The following ZNF143 variants were observed in gnomAD, a reference collection of about 807,000 sequenced individuals.
ZNF143 encodes the protein zinc finger protein 143.
A neutral mutation model predicts 74.1 loss-of-function variants in ZNF143; 49 were observed. The ratio of observed to expected loss-of-function variants is 0.66; its 90% CI spans 0.53 to 0.84. The LOEUF is 0.84. Ranked by LOEUF, ZNF143 falls within the 40% of genes least tolerant of loss-of-function variation. The pLI is 0.00. For synonymous variants in ZNF143, 304 were observed against 282.8 expected, an observed-to-expected ratio of 1.07 and a Z score of -0.75; for missense variants, 637 against 793.4, an observed-to-expected ratio of 0.80 and a Z score of 2.37.
Position 9,516,276 on chromosome 11 carries a change from A to G in ZNF143, c.1600A>G (p.Thr534Ala), listed in dbSNP as rs373010722. 2.2e-5 allele frequency: 35 copies of G among 1,614,034 alleles called. No individual in the cohort carries two copies. Among genetic ancestry groups the G allele is most frequent in the Non-Finnish European group, 2.9e-5 (34 of 1,180,010 alleles). Residue 534 changes from threonine (T) to alanine (A), a missense_variant, in exon 14 of 16, where the codon ACA (threonine) becomes GCA (alanine). Coordinates refer to ENST00000396602, the MANE Select transcript of ZNF143 (RefSeq NM_003442.6). The part of the protein sequence containing the change: ...TMVTQDGTPI[T>A]VPAHDAVISS... ...GGTAACGCAGGATGGCACGCCCATC[A>G]CAGTCCCCGCCCATGATGCAGTCAT... is the stretch of plus-strand genomic sequence containing the variant.
chr11:9,485,698 T>C lies in ZNF143; in HGVS notation c.645+6152T>C, dbSNP rs80295923. Among the ~76,000 whole-genome samples, 192 of 151,646 alleles carry C rather than the reference T, an allele frequency of 1.3e-3. 1 individual carries two copies. The highest frequency in any genetic ancestry group is 3.1e-3 in the Admixed American group (48 of 15,248). On this transcript the variant is annotated intron_variant, in intron 7 of 15. Transcript: ENST00000396602. ...GATGTGTCTCATGGTTCTTTAAAAA[T>C]TCCTCTGGTGCCACACTTCTAGGAT...
intron 7 of ZNF143, among the ~76,000 whole-genome samples, chr11:9,485,714 C>G (rs1302972220): frequency 6.6e-6 from 1 of 151,468 alleles, no homozygotes; most frequent in Non-Finnish European, 1.5e-5. Context: ...TGGTGCCACA[C>G]TTCTAGGATT....
intron 11 of ZNF143, among the ~76,000 whole-genome samples, chr11:9,502,914 T>C (rs1848219675): frequency 6.6e-6 from 1 of 152,140 alleles, no homozygotes; most frequent in African/African-American, 2.4e-5. Flanking sequence ...CACTGCAAGC[T>C]CCGCCTCCTG....
intron 7 of ZNF143, among the ~76,000 whole-genome samples, chr11:9,480,737 A>G (rs12285570): frequency 0.05 from 7,652 of 152,084 alleles, 266 homozygotes; most frequent in South Asian, 0.076. Flanking sequence ...AATACAAAAA[A>G]TTAGCCAGGT....
At chr11:9,486,449 A>ATG (rs1196448055) in intron 7 of ZNF143, among the ~76,000 whole-genome samples, 1 of 70,290 alleles carries the variant, frequency 1.4e-5, no homozygotes, top group Non-Finnish European at 2.7e-5. Flanking sequence ...AATATATTAT[A>ATG]TATATTATAT....
intron 15 of ZNF143, among the ~76,000 whole-genome samples, chr11:9,526,087 G>C (rs2134286209): frequency 6.6e-6 from 1 of 152,254 alleles, no homozygotes; most frequent in East Asian, 1.9e-4. Flanking sequence ...TGAGGCTGCA[G>C]TGAGCCAAGA....
intron 2 of ZNF143, among the ~76,000 whole-genome samples, chr11:9,472,223 C>G (rs1334567112): frequency 6.6e-6 from 1 of 152,006 alleles, no homozygotes; most frequent in Non-Finnish European, 1.5e-5. Flanking sequence ...GCCATTGTTC[C>G]CAGCCTGTTT....
intron 5 of ZNF143, 95 bp downstream of exon 5, chr11:9,474,728 G>A (rs529408186): frequency 1.6e-6 from 2 of 1,222,042 alleles, no homozygotes; most frequent in African/African-American, 3.0e-5. Context: ...GTTGTCATGG[G>A]AAAGAATTGT....
intron 11 of ZNF143, among the ~76,000 whole-genome samples, chr11:9,502,863 G>A (rs913760319): frequency 5.9e-5 from 9 of 151,804 alleles, no homozygotes; most frequent in Admixed American, 6.6e-5. Flanking sequence ...GTCTGACTTC[G>A]TTCTCTTTGC....
At chr11:9,520,398 T>C (rs1477157207) in intron 14 of ZNF143, among the ~76,000 whole-genome samples, 1 of 150,416 alleles carries the variant, frequency 6.6e-6, no homozygotes, top group Non-Finnish European at 1.5e-5. Context: ...CTCTTGAAGC[T>C]GAAGTGGGAG....
At chr11:9,485,086 C>G (rs1044669929) in intron 7 of ZNF143, among the ~76,000 whole-genome samples, 2 of 150,706 alleles carry the variant, frequency 1.3e-5, no homozygotes, top group African/African-American at 5.0e-5. Context: ...CGTGACCCAC[C>G]GCGCCCGGCC....
Position 9,484,838 on chromosome 11 carries a change from C to T in ZNF143, c.645+5292C>T, listed in dbSNP as rs535652356. 5.4e-3 allele frequency among the ~76,000 whole-genome samples: 525 copies of T among 97,524 alleles called. 3 individuals are homozygous for T. The highest frequency in any genetic ancestry group is 8.2e-3 in the Non-Finnish European group (413 of 50,338). The allele number at this position is 97,524 out of a possible 152,430, so 64.0% of individuals were successfully genotyped here. ...TTTGAGACGGAGTCTAGCTCTGTCGCCCAGGCTGGAGTGCAGTGGCGCGAT... is the reference window on the plus strand; with the variant it reads ...TTTGAGACGGAGTCTAGCTCTGTCGTCCAGGCTGGAGTGCAGTGGCGCGAT... On this transcript the variant is annotated intron_variant, in intron 7 of 15. Coordinates refer to ENST00000396602, the MANE Select transcript of ZNF143 (RefSeq NM_003442.6).
intron 13 of ZNF143, among the ~76,000 whole-genome samples, chr11:9,514,236 C>T (rs894298661): frequency 2.0e-5 from 3 of 152,200 alleles, no homozygotes; most frequent in East Asian, 1.9e-4. Context: ...ATCATCCTCT[C>T]ATGGCTCCTC....
At chr11:9,517,818 C>T (rs1389857137) in intron 14 of ZNF143, among the ~76,000 whole-genome samples, 5 of 152,106 alleles carry the variant, frequency 3.3e-5, no homozygotes, top group Admixed American at 3.3e-4. Flanking sequence ...AATACTTCTG[C>T]AACCTTAAAG....
chr11:9,483,740 G>A (rs568502648), intron 7 of ZNF143, among the ~76,000 whole-genome samples: 21 of 149,702 alleles, frequency 1.4e-4, no homozygotes, highest in East Asian at 1.2e-3. Context: ...CAATTTGCCC[G>A]GCCGGAATTC....
chr11:9,500,234 G>T (rs4910468), intron 10 of ZNF143, among the ~76,000 whole-genome samples: 2 of 151,852 alleles, frequency 1.3e-5, no homozygotes, highest in African/African-American at 4.8e-5. Flanking sequence ...GGCATGTGCT[G>T]CTGTGCCTGG....
intron 1 of ZNF143, among the ~76,000 whole-genome samples, chr11:9,467,480 C>G (rs555738974): frequency 6.6e-6 from 1 of 152,174 alleles, no homozygotes; most frequent in African/African-American, 2.4e-5. Context: ...AGGTGATCCA[C>G]CCGCCTCAGC....
In ZNF143 at chr11:9,488,580, A is replaced by G. The variant is rs993367979; in HGVS notation, c.646-6066A>G. On this transcript the variant is annotated intron_variant, in intron 7 of 15. Transcript: ENST00000396602. Reference sequence around the variant, plus strand: ...ACCCCTAGACAGCTTGCCCTAACCTACATCTCCCTACTTTTGCATTTTGCC... The same window carrying G: ...ACCCCTAGACAGCTTGCCCTAACCTGCATCTCCCTACTTTTGCATTTTGCC... 1.3e-4 allele frequency among the ~76,000 whole-genome samples: 20 copies of G among 152,106 alleles called. 1 individual carries two copies. Among genetic ancestry groups the G allele is most frequent in the African/African-American group, 4.3e-4 (18 of 41,414 alleles).
At chr11:9,476,534 G>A (rs1033438082) in intron 5 of ZNF143, among the ~76,000 whole-genome samples, 4 of 151,346 alleles carry the variant, frequency 2.6e-5, no homozygotes, top group African/African-American at 9.7e-5. Flanking sequence ...CACTACACCC[G>A]GCTAATTTTT....
Sources: gnomAD v4.1 joint callset for allele counts (sites outside exome capture counted in the v4.1 genomes callset) on GRCh38, gnomAD v4.1.1 for gene constraint, MANE v1.5 for transcripts, NCBI Gene and HGNC (gene_info 2026-07-23, HGNC 2026-07-21) for gene names.